ESF1: variants seen among roughly 807,000 people sequenced by gnomAD.
The protein encoded by ESF1 is ESF1 homolog.
In ESF1, 58 loss-of-function variants were observed where a neutral mutation model predicts 92.0. The observed-to-expected ratio is 0.63, with a 90% CI of 0.51 to 0.78. The LOEUF (loss-of-function observed/expected upper bound fraction) is 0.78. Among genes scored for constraint, ESF1 ranks in the 30% least tolerant of loss-of-function variants. The pLI, the probability that ESF1 is intolerant of heterozygous loss-of-function variation, is 0.00. For missense variants in ESF1, 922 were observed against 989.1 expected (o/e 0.93, Z 0.91); for synonymous variants, 321 against 313.7 (o/e 1.02, Z -0.24).
intron 2 of ESF1, among the ~76,000 whole-genome samples, chr20:13,781,448 G>A (rs181244278): frequency 6.6e-6 from 1 of 152,164 alleles, no homozygotes; most frequent in African/African-American, 2.4e-5. Context: ...CCAAAATTAT[G>A]TATTTCTACT....
At chr20:13,736,572 CACTT>C (rs1489221890) in intron 9 of ESF1, among the ~76,000 whole-genome samples, 1 of 152,082 alleles carries the variant, frequency 6.6e-6, no homozygotes, top group Non-Finnish European at 1.5e-5. Flanking sequence ...ACTTAATAAA[CACTT>C]AATTGATCTG....
rs748064059 is a variant in ESF1, at chr20:13,714,846, A to G, written c.*28T>C. 3 of 1,548,376 alleles carry G rather than the reference A, an allele frequency of 1.9e-6. No homozygotes were observed. In the South Asian group the frequency reaches 3.7e-5, roughly 19 times the overall value. ...TTTTGTACATTTTAGGAAAAGATGTATTCAGTTCAAAAATAAGTAACATCC... is the reference window on the plus strand; with the variant it reads ...TTTTGTACATTTTAGGAAAAGATGTGTTCAGTTCAAAAATAAGTAACATCC... On this transcript the variant is annotated 3_prime_UTR_variant, in exon 14 of 14. Transcript: ENST00000617257.
At chr20:13,717,758 A>G (rs895697659) in intron 12 of ESF1, among the ~76,000 whole-genome samples, 2 of 152,190 alleles carry the variant, frequency 1.3e-5, no homozygotes, top group Non-Finnish European at 2.9e-5. Context: ...CTTGTAGTTA[A>G]AAACCAGGCC....
chr20:13,741,763 T>C (rs2050014970), intron 9 of ESF1, among the ~76,000 whole-genome samples: 1 of 152,216 alleles, frequency 6.6e-6, no homozygotes, highest in African/African-American at 2.4e-5. Context: ...CTATAAAAGA[T>C]AAATCTGACA....
intron 13 of ESF1, among the ~76,000 whole-genome samples, chr20:13,715,894 T>C (rs138579569): frequency 2.7e-4 from 41 of 152,300 alleles, no homozygotes; most frequent in Non-Finnish European, 5.1e-4. Flanking sequence ...GCCAAGGGAT[T>C]TGATACCCAG....
rs750733985 is a variant in ESF1, at chr20:13,783,033, CTT to C, written c.106_107del (p.Lys36GlufsTer8). The C allele has an allele frequency of 2.5e-6, 4 of 1,614,126 alleles. No individual in the cohort carries two copies. In the African/African-American group the frequency reaches 4.0e-5, roughly 16 times the overall value. Reference protein sequence around the residue: ...PEKDRKVKIDKRFRAMFHDKK... With the variant: ...PEKDRKVKIDXRFRAMFHDKK... ...TGTCATGAAACATGGCTCGAAATCT[CTT>C]GTCAATTTTGACTTTTCGATCCTTT... On this transcript the variant is annotated frameshift_variant, in exon 2 of 14. Transcript: ENST00000617257. LOFTEE classifies it high-confidence loss of function.
rs186229617 is a variant in ESF1 at position 13,737,955 on chromosome 20, C to T, written c.1829-4113G>A. On this transcript the variant is annotated intron_variant, in intron 9 of 13. Coordinates refer to ENST00000617257, the MANE Select transcript of ESF1 (RefSeq NM_001276380.2). ...ACAGGCATGAGCCACCACACTTGGC[C>T]GAACAGAGTATAAGGATTTTTAGAG... is the stretch of plus-strand genomic sequence containing the variant. Among the ~76,000 whole-genome samples, 28 of 152,254 alleles carry T rather than the reference C, an allele frequency of 1.8e-4. 1 individual carries two copies. The East Asian group carries it at 4.6e-3, about 25-fold the overall frequency.
At chr20:13,749,232 ATTTTTTTTT>A (rs71188184) in intron 9 of ESF1, among the ~76,000 whole-genome samples, 17 of 89,680 alleles carry the variant, frequency 1.9e-4, no homozygotes, top group African/African-American at 3.0e-4. Flanking sequence ...TGCCCGGCTA[ATTTTTTTTT>A]TTTTTTTTTT....
At position 13,769,744 on chromosome 20, in the gene ESF1, C is replaced by T. The variant is rs1410678488; in HGVS notation, c.1518+163G>A. On this transcript the variant is annotated intron_variant, in intron 7 of 13. Coordinates refer to ENST00000617257, the MANE Select transcript of ESF1 (RefSeq NM_001276380.2). ...GAGGTTACAGTGAACTGAGATCATA[C>T]CACTGCACTCCAGCCTGGGTGAGAG... is the stretch of plus-strand genomic sequence containing the variant. 3.3e-5 allele frequency among the ~76,000 whole-genome samples: 5 copies of T among 152,178 alleles called. No individual in the cohort carries two copies. In the East Asian group the frequency reaches 9.6e-4, roughly 29 times the overall value.
At chr20:13,731,862 G>C (rs1194267011) in intron 10 of ESF1, among the ~76,000 whole-genome samples, 2 of 152,200 alleles carry the variant, frequency 1.3e-5, no homozygotes, top group South Asian at 4.1e-4. Flanking sequence ...CCCGAGAAAC[G>C]AGTTCACAGA....
At chr20:13,720,772 G>A (rs75688546) in intron 11 of ESF1, among the ~76,000 whole-genome samples, 25 of 152,280 alleles carry the variant, frequency 1.6e-4, no homozygotes, top group African/African-American at 5.8e-4. Flanking sequence ...AAACACAGGT[G>A]CTGTTCACTG....
chr20:13,748,719 T>C (rs546009709), intron 9 of ESF1, among the ~76,000 whole-genome samples: 1 of 150,350 alleles, frequency 6.7e-6, no homozygotes, highest in African/African-American at 2.4e-5. Context: ...CCTGAGTAGC[T>C]GGGACTACAG....
chr20:13,734,627 C>T (rs1421926955), intron 9 of ESF1, among the ~76,000 whole-genome samples: 1 of 152,194 alleles, frequency 6.6e-6, no homozygotes, highest in Non-Finnish European at 1.5e-5. Flanking sequence ...TATCCATTTA[C>T]AAAGACCCTC....
chr20:13,771,590 C>A, intron 5 of ESF1, 107 bp from the exon 6 acceptor site: 1 of 815,604 alleles, frequency 1.2e-6, no homozygotes, highest in Non-Finnish European at 1.9e-6. Context: ...AGCTGGCCTT[C>A]ATACCAAACC....
chr20:13,724,822 G>A (rs920330441), intron 11 of ESF1, among the ~76,000 whole-genome samples: 2 of 152,156 alleles, frequency 1.3e-5, no homozygotes, highest in African/African-American at 4.8e-5. Flanking sequence ...ATTGTTGACT[G>A]AATAACCACG....
chr20:13,758,106 T>C (rs1978983940), intron 9 of ESF1, among the ~76,000 whole-genome samples: 1 of 152,230 alleles, frequency 6.6e-6, no homozygotes, highest in African/African-American at 2.4e-5. Context: ...CTTCAGTTCT[T>C]CTGCGAGACA....
At chr20:13,771,912 C>CTTTTTTTTTTT (rs5840576) in intron 5 of ESF1, among the ~76,000 whole-genome samples, 2 of 128,776 alleles carry the variant, frequency 1.6e-5, no homozygotes, top group Non-Finnish European at 3.3e-5. Context: ...ACAACACATT[C>CTTTTTTTTTTT]TTTTTTTTTT....
chr20:13,730,447 G>A (rs145635443), intron 10 of ESF1, among the ~76,000 whole-genome samples: 2,695 of 148,756 alleles, frequency 0.018, 86 homozygotes, highest in African/African-American at 0.062. Flanking sequence ...GCAATGGCAC[G>A]ATCTCGGCTC....
chr20:13,732,475 A>C (rs1453246904), intron 10 of ESF1, among the ~76,000 whole-genome samples: 1 of 152,214 alleles, frequency 6.6e-6, no homozygotes, highest in East Asian at 1.9e-4. Flanking sequence ...TCACAGCACT[A>C]AAAGTCAAAG....
Sources: gnomAD v4.1 joint callset for allele counts (sites outside exome capture counted in the v4.1 genomes callset) on GRCh38, gnomAD v4.1.1 for gene constraint, MANE v1.5 for transcripts, NCBI Gene and HGNC (gene_info 2026-07-23, HGNC 2026-07-21) for gene names.